Variants in UBLCP1 observed in about 807,000 individuals in gnomAD.
UBLCP1 encodes the protein ubiquitin-like domain-containing CTD phosphatase 1.
Under a neutral mutation model 42.4 loss-of-function variants are expected in UBLCP1, and 28 were observed. That is an observed-to-expected ratio of 0.66 (90% CI 0.49 to 0.90). The LOEUF is 0.90. UBLCP1 is among the 40% of genes least tolerant of loss of function. The probability of loss-of-function intolerance (pLI) is 0.00; values close to 1 mark genes in which losing one functional copy is unlikely to be tolerated. For synonymous variants in UBLCP1, 122 were observed against 120.8 expected (o/e 1.01, Z -0.07); for missense variants, 279 against 374.5 (o/e 0.75, Z 2.10).
chr5:159,269,128 T>A (rs1753433969), intron 2 of UBLCP1, 59 bp downstream of exon 2: 1 of 1,271,608 alleles, frequency 7.9e-7, no homozygotes, highest in Non-Finnish European at 1.0e-6. Context: ...TGAATTTTAA[T>A]AATTATTTTG....
chr5:159,279,250 C>T (rs994976422), intron 9 of UBLCP1, among the ~76,000 whole-genome samples: 6 of 152,214 alleles, frequency 3.9e-5, no homozygotes, highest in Admixed American at 2.6e-4. Context: ...ACTCTAGTGA[C>T]TTGGTTCCTA....
intron 9 of UBLCP1, 26 bp from the exon 10 acceptor site, chr5:159,283,186 G>A (rs1753627787): frequency 6.3e-7 from 1 of 1,594,664 alleles, no homozygotes; most frequent in Admixed American, 1.8e-5. Flanking sequence ...ATTGTGATGT[G>A]TTGAGTAATG....
intron 9 of UBLCP1, among the ~76,000 whole-genome samples, chr5:159,280,417 G>C (rs760879779): frequency 2.0e-5 from 3 of 152,096 alleles, no homozygotes; most frequent in Non-Finnish European, 4.4e-5. Flanking sequence ...ATCCTCACAT[G>C]TCAGCCTCCC....
rs1055195650 is a variant in UBLCP1 at position 159,268,928 on chromosome 5, A to G, written c.13A>G (p.Ile5Val). ...ATATGTTTCAAGAATGGCTCTCCCT[A>G]TCATTGTAAAATGGGGTGGACAGGA... MALP[I>V]IVKWGGQEYS... The change falls in exon 2 of 11, where the codon ATC becomes GTC. Residue 5 changes from isoleucine to valine, a missense_variant. Transcript: ENST00000296786. 1 of 1,609,066 alleles carries G rather than the reference A, an allele frequency of 6.2e-7. No homozygotes were observed. Among genetic ancestry groups the G allele is most frequent in the Non-Finnish European group, 8.5e-7 (1 of 1,178,522 alleles).
At chr5:159,274,754 T>A in intron 7 of UBLCP1, 132 bp downstream of exon 7, 1 of 743,612 alleles carries the variant, frequency 1.3e-6, no homozygotes, top group Non-Finnish European at 2.2e-6. Flanking sequence ...TTATTGGGAG[T>A]AGAGGTGTTT....
intron 5 of UBLCP1, among the ~76,000 whole-genome samples, chr5:159,270,961 G>GAT (rs60889567): frequency 0.26 from 39,185 of 148,266 alleles, 5,745 homozygotes; most frequent in South Asian, 0.32. Context: ...TATTATGAAT[G>GAT]ATATATATAT....
At chr5:159,269,794 A>G (rs1753441173) in intron 2 of UBLCP1, 114 bp from the exon 3 acceptor site, 3 of 814,388 alleles carry the variant, frequency 3.7e-6, no homozygotes, top group Non-Finnish European at 5.9e-6. Context: ...ACAAAACAAC[A>G]AAAATTGCTG....
chr5:159,278,458 A>G (rs1753564683), intron 9 of UBLCP1, 104 bp downstream of exon 9: 1 of 818,924 alleles, frequency 1.2e-6, no homozygotes, highest in Non-Finnish European at 2.1e-6. Flanking sequence ...GAAGTACTGT[A>G]TTCTTATGTC....
At chr5:159,267,227 C>T (rs182420321) in intron 1 of UBLCP1, among the ~76,000 whole-genome samples, 140 of 152,332 alleles carry the variant, frequency 9.2e-4, no homozygotes, top group African/African-American at 3.3e-3. Context: ...TAGGAACCCA[C>T]CTCTTGCATC....
chr5:159,270,242 G>A, intron 3 of UBLCP1, 118 bp from the exon 4 acceptor site: 5 of 900,292 alleles, frequency 5.6e-6, no homozygotes, highest in Non-Finnish European at 6.8e-6. Flanking sequence ...AAATTTTCCA[G>A]TATGGGCTTA....
chr5:159,270,704 C>A, intron 5 of UBLCP1, 61 bp downstream of exon 5: 30 of 1,019,524 alleles, frequency 2.9e-5, no homozygotes, highest in Middle Eastern at 2.8e-4. Context: ...TTTTTCTTTT[C>A]TTTGTTTTTT....
chr5:159,283,130 ACT>A, intron 9 of UBLCP1, 80 bp from the exon 10 acceptor site: 1 of 1,377,984 alleles, frequency 7.3e-7, no homozygotes, highest in Non-Finnish European at 9.9e-7. Context: ...AACCTCATTA[ACT>A]CTAATTGAAA....
At chr5:159,274,675 T>A (rs1753512062) in intron 7 of UBLCP1, 53 bp downstream of exon 7, 1 of 1,513,476 alleles carries the variant, frequency 6.6e-7, no homozygotes, top group Non-Finnish European at 9.1e-7. Flanking sequence ...GCATTTGTCT[T>A]GTTAAAAGTT....
At chr5:159,270,113 A>C (rs1753446364) in intron 3 of UBLCP1, 114 bp downstream of exon 3, 1 of 962,932 alleles carries the variant, frequency 1.0e-6, no homozygotes, top group East Asian at 2.6e-5. Context: ...AATCAATGAA[A>C]AATAAAACCC....
intron 1 of UBLCP1, among the ~76,000 whole-genome samples, chr5:159,268,152 G>T (rs1367430686): frequency 1.3e-5 from 2 of 151,482 alleles, no homozygotes; most frequent in Admixed American, 6.6e-5. Context: ...TCTCTAATGA[G>T]ATTGTGTAAA....
chr5:159,275,330 G>C (rs1278000118), intron 8 of UBLCP1, 84 bp downstream of exon 8: 5 of 914,458 alleles, frequency 5.5e-6, no homozygotes, highest in Non-Finnish European at 8.2e-6. Context: ...GGAGTAAATA[G>C]TGTAGAGATT....
intron 10 of UBLCP1, among the ~76,000 whole-genome samples, 200 bp downstream of exon 10, chr5:159,283,539 A>C (rs765359635): frequency 5.3e-5 from 8 of 152,090 alleles, no homozygotes; most frequent in Non-Finnish European, 1.0e-4. Flanking sequence ...GTTCATAAAC[A>C]TACCTCTTGT....
At chr5:159,268,168 C>G (rs1294187824) in intron 1 of UBLCP1, among the ~76,000 whole-genome samples, 2 of 152,174 alleles carry the variant, frequency 1.3e-5, no homozygotes, top group African/African-American at 2.4e-5. Context: ...GTAAAAACTT[C>G]AATTCATAAA....
At chr5:159,274,026 A>G (rs932664541) in intron 6 of UBLCP1, among the ~76,000 whole-genome samples, 2 of 152,210 alleles carry the variant, frequency 1.3e-5, no homozygotes, top group South Asian at 2.1e-4. Context: ...GAGCAGATAC[A>G]TGATGCAGGT....
Sources: allele counts gnomAD v4.1 joint callset (sites outside exome capture counted in the v4.1 genomes callset), GRCh38; gene constraint gnomAD v4.1.1; transcripts MANE v1.5; gene names NCBI Gene and HGNC (gene_info 2026-07-23, HGNC 2026-07-21).